DHX29: variants seen among roughly 807,000 people sequenced by gnomAD.
DHX29 encodes ATP-dependent RNA helicase DHX29.
DHX29 carries 79 observed loss-of-function variants against 167.9 expected under a neutral mutation model. The observed-to-expected ratio is 0.47, with a 90% CI of 0.39 to 0.57. The LOEUF is 0.57. Ranked by LOEUF, DHX29 falls within the 20% of genes least tolerant of loss-of-function variation. The pLI is 0.00. For synonymous variants in DHX29, 530 were observed against 546.0 expected (o/e 0.97, Z 0.41); for missense variants, 1,347 against 1,593.4 (o/e 0.85, Z 2.63).
chr5:55,299,931 A>G (rs1224644525), intron 1 of DHX29, among the ~76,000 whole-genome samples: 1 of 152,114 alleles, frequency 6.6e-6, no homozygotes, highest in African/African-American at 2.4e-5. Flanking sequence ...AACAACACAC[A>G]TTATTTTCAA....
chr5:55,273,959 C>T (rs900958647), intron 16 of DHX29, among the ~76,000 whole-genome samples: 4 of 151,854 alleles, frequency 2.6e-5, no homozygotes, highest in Admixed American at 6.6e-5. Flanking sequence ...TGGTGGCATG[C>T]GGCTGTAGTC....
At position 55,259,400 on chromosome 5, in the gene DHX29, C is replaced by T. The variant is rs1746201901; in HGVS notation, c.4057+448G>A. 2.0e-5 allele frequency among the ~76,000 whole-genome samples: 3 copies of T among 152,028 alleles called. No homozygotes were observed. In the South Asian group the frequency reaches 6.2e-4, roughly 32 times the overall value. On this transcript the variant is annotated intron_variant, in intron 26 of 26. Coordinates refer to ENST00000251636, the MANE Select transcript of DHX29 (RefSeq NM_019030.4). ...TACGACTTCAGTGTGCTTTAGTATA[C>T]TCCAATGTTACAAAAAAAAATTTCT...
chr5:55,301,713 C>CAAAAAAAAAAAAAAAAAAAAAAAAA (rs70992777), intron 1 of DHX29, among the ~76,000 whole-genome samples: 1 of 64,738 alleles, frequency 1.5e-5, no homozygotes, highest in African/African-American at 5.6e-5. Flanking sequence ...AACTCCATCT[C>CAAAAAAAAAAAAAAAAAAAAAAAAA]AAAAAAAAAA....
intron 17 of DHX29, among the ~76,000 whole-genome samples, chr5:55,272,784 G>C (rs1746916256): frequency 6.6e-6 from 1 of 152,062 alleles, no homozygotes; most frequent in Non-Finnish European, 1.5e-5. Context: ...GAACTGGGTA[G>C]AGAATGGAGA....
intron 10 of DHX29, 151 bp from the exon 11 acceptor site, chr5:55,283,962 T>C: frequency 3.5e-6 from 2 of 573,824 alleles, no homozygotes; most frequent in Non-Finnish European, 5.7e-6. Flanking sequence ...ATGATGCAAA[T>C]TCAATTGATT....
chr5:55,274,623 T>A lies in DHX29; in HGVS notation c.2681A>T (p.Tyr894Phe). The part of the protein sequence containing the change: ...YDLLSNDRRF[Y>F]SERYKVIALH... ...GAAGATGAGTAGTTACCGTTCAGAATAAAATCTTCTATCATTTGATAGAAG... is the reference window on the plus strand; with the variant it reads ...GAAGATGAGTAGTTACCGTTCAGAAAAAAATCTTCTATCATTTGATAGAAG... Residue 894 changes from tyrosine (Y) to phenylalanine (F), a missense_variant, in exon 16 of 27, where the codon TAT becomes TTT. Tyr to Phe is a conservative substitution (Grantham distance 22). Coordinates refer to ENST00000251636, the MANE Select transcript of DHX29 (RefSeq NM_019030.4). The A allele has an allele frequency of 6.3e-7, 1 of 1,587,662 alleles. No homozygotes were observed.
intron 8 of DHX29, 119 bp from the exon 9 acceptor site, chr5:55,285,980 T>G: frequency 1.3e-6 from 1 of 749,064 alleles, no homozygotes; most frequent in Non-Finnish European, 2.0e-6. Flanking sequence ...TGAGGCCAGG[T>G]GCAGTGGCTC....
chr5:55,279,819 C>G lies in DHX29; in HGVS notation c.2109+1553G>C, dbSNP rs540421658. 2.1e-4 allele frequency among the ~76,000 whole-genome samples: 32 copies of G among 151,842 alleles called. No homozygotes were observed. The East Asian group carries it at 3.3e-3, about 16-fold the overall frequency. On this transcript the variant is annotated intron_variant, in intron 12 of 26. Coordinates refer to ENST00000251636, the MANE Select transcript of DHX29 (RefSeq NM_019030.4). The stretch of plus-strand genomic sequence containing the variant: ...CTCCTGGGCTCAAGTGATCCTCCCC[C>G]CTTCAGCCTGCCAAATTGCTGGCAT...
chr5:55,263,776 C>T (rs1746423546), intron 23 of DHX29, among the ~76,000 whole-genome samples: 2 of 4,528 alleles, frequency 4.4e-4, no homozygotes, highest in Admixed American at 2.9e-3. Flanking sequence ...TACATGTTCC[C>T]AGTCAGTTGG....
intron 2 of DHX29, 21 bp from the exon 3 acceptor site, chr5:55,297,419 A>AT (rs1241087822): frequency 2.1e-6 from 2 of 961,772 alleles, no homozygotes; most frequent in Non-Finnish European, 3.3e-6. Flanking sequence ...CAAAAAGGTC[A>AT]TATCATTTAG....
At position 55,270,639 on chromosome 5, in the gene DHX29, G is replaced by A. The variant is rs759732617; in HGVS notation, c.2932C>T (p.Arg978Cys). The change falls in exon 19 of 27, where the codon CGC becomes TGC. Residue 978 changes from arginine to cysteine, a missense_variant. Coordinates refer to ENST00000251636, the MANE Select transcript of DHX29 (RefSeq NM_019030.4). Reference protein sequence around the residue: ...TFVSKASALQRQGRAGRVRDG... With the variant: ...TFVSKASALQCQGRAGRVRDG... ...CTGACCCGCCCAGCTCTTCCCTGGC[G>A]CTGCAAAGCACTGGCTTTACTGACA... The A allele has an allele frequency of 1.7e-5, 27 of 1,613,960 alleles. No individual in the cohort carries two copies. The highest frequency in any genetic ancestry group is 1.9e-5 in the Non-Finnish European group (23 of 1,179,996).
At chr5:55,258,220 A>G (rs562497898) in intron 26 of DHX29, among the ~76,000 whole-genome samples, 5 of 152,342 alleles carry the variant, frequency 3.3e-5, no homozygotes, top group African/African-American at 1.2e-4. Flanking sequence ...AGCACCAACT[A>G]GAAAGTATTA....
At chr5:55,307,277 G>C in intron 1 of DHX29, 110 bp downstream of exon 1, 1 of 935,920 alleles carries the variant, frequency 1.1e-6, no homozygotes, top group Non-Finnish European at 1.6e-6. Flanking sequence ...TCGAGTGTTG[G>C]GAAATAGAAA....
intron 8 of DHX29, among the ~76,000 whole-genome samples, chr5:55,289,056 A>G (rs1460008847): frequency 6.6e-6 from 1 of 152,224 alleles, no homozygotes. Flanking sequence ...TCAGAGAGAG[A>G]TGAGACTGAG....
chr5:55,300,768 CAA>C (rs550979136), intron 1 of DHX29, among the ~76,000 whole-genome samples: 1 of 152,124 alleles, frequency 6.6e-6, no homozygotes, highest in Non-Finnish European at 1.5e-5. Flanking sequence ...TTTTTCAAGA[CAA>C]AAAATAATAT....
chr5:55,259,790 G>A, intron 26 of DHX29, 58 bp downstream of exon 26: 1 of 953,592 alleles, frequency 1.0e-6, no homozygotes, highest in Non-Finnish European at 1.7e-6. Context: ...TAATACATAG[G>A]TATGTGTACA....
intron 2 of DHX29, 139 bp from the exon 3 acceptor site, chr5:55,297,537 G>A: frequency 1.7e-6 from 1 of 594,738 alleles, no homozygotes; most frequent in South Asian, 2.1e-5. Flanking sequence ...TCATTTTTTG[G>A]ACTACCACCC....
intron 14 of DHX29, among the ~76,000 whole-genome samples, chr5:55,275,927 A>AG (rs35283252): frequency 0.41 from 61,627 of 151,800 alleles, 13,682 homozygotes; most frequent in African/African-American, 0.58. Context: ...TGGTGTTGAG[A>AG]GAAGTAGAGA....
At chr5:55,259,700 C>T in intron 26 of DHX29, 148 bp downstream of exon 26, 1 of 433,312 alleles carries the variant, frequency 2.3e-6, no homozygotes, top group Non-Finnish European at 4.3e-6. Flanking sequence ...AGGTGATCTG[C>T]CTACCTTGGC....
Sources: gnomAD v4.1 joint callset for allele counts (sites outside exome capture counted in the v4.1 genomes callset) on GRCh38, gnomAD v4.1.1 for gene constraint, MANE v1.5 for transcripts, NCBI Gene and HGNC (gene_info 2026-07-23, HGNC 2026-07-21) for gene names.